Variants in PIK3C2A observed in about 807,000 individuals in gnomAD.
PIK3C2A encodes phosphatidylinositol-4-phosphate 3-kinase catalytic subunit type 2 alpha.
PIK3C2A carries 97 observed loss-of-function variants against 204.5 expected under a neutral mutation model. That is an observed-to-expected ratio of 0.47 (90% CI 0.40 to 0.56). The LOEUF is 0.56. PIK3C2A is among the 20% of genes least tolerant of loss of function. The pLI is 0.00. For synonymous variants in PIK3C2A, 653 were observed against 664.4 expected (o/e 0.98, Z 0.26); for missense variants, 1,735 against 1,969.2 (o/e 0.88, Z 2.25).
chr11:17,183,522 A>G (rs1851639776), intron 1 of PIK3C2A, among the ~76,000 whole-genome samples: 1 of 152,042 alleles, frequency 6.6e-6, no homozygotes, highest in Admixed American at 6.6e-5. Context: ...CTAAAAATAC[A>G]AAAATTAGCC....
intron 1 of PIK3C2A, 130 bp from the exon 2 acceptor site, chr11:17,169,936 A>G: frequency 1.8e-6 from 1 of 543,370 alleles, no homozygotes; most frequent in South Asian, 2.7e-5. Flanking sequence ...AACAAAATAA[A>G]ACAGATAAAA....
intron 23 of PIK3C2A, 133 bp downstream of exon 23, chr11:17,105,036 T>G: frequency 1.5e-6 from 1 of 665,248 alleles, no homozygotes; most frequent in East Asian, 2.8e-5. Flanking sequence ...TTCCTATACT[T>G]AGAAAAAGAT....
intron 1 of PIK3C2A, among the ~76,000 whole-genome samples, chr11:17,178,019 G>A (rs570802265): frequency 6.7e-6 from 1 of 149,844 alleles, no homozygotes; most frequent in East Asian, 2.0e-4. Context: ...CTTGAACCCT[G>A]GAGGTGTATG....
chr11:17,117,707 GGTTTTTT>G (rs1849246299), intron 18 of PIK3C2A, 36 bp from the exon 19 acceptor site: 32 of 532,458 alleles, frequency 6.0e-5, no homozygotes, highest in South Asian at 1.3e-4. Flanking sequence ...GTCACGTCTT[GGTTTTTT>G]TTTTTTTTTT....
At chr11:17,132,086 A>C in intron 11 of PIK3C2A, 48 bp from the exon 12 acceptor site, 1 of 1,125,392 alleles carries the variant, frequency 8.9e-7, no homozygotes, top group Non-Finnish European at 1.3e-6. Flanking sequence ...AATACAAATT[A>C]GTTAACTAAT....
chr11:17,101,758 C>G (rs951396533), intron 24 of PIK3C2A, among the ~76,000 whole-genome samples: 7 of 151,318 alleles, frequency 4.6e-5, no homozygotes, highest in African/African-American at 1.5e-4. Context: ...GGCCCGCCAC[C>G]ACGCCCGGCT....
At chr11:17,109,914 T>A (rs1403716749) in intron 22 of PIK3C2A, among the ~76,000 whole-genome samples, 1 of 152,168 alleles carries the variant, frequency 6.6e-6, no homozygotes, top group Non-Finnish European at 1.5e-5. Flanking sequence ...CTCTGATTAC[T>A]GCAAAGCATT....
intron 13 of PIK3C2A, among the ~76,000 whole-genome samples, chr11:17,123,143 T>C (rs1849415470): frequency 6.6e-6 from 1 of 152,192 alleles, no homozygotes; most frequent in Admixed American, 6.5e-5. Flanking sequence ...CTTTGAAGAT[T>C]TTCTACAAAG....
At chr11:17,187,003 A>G (rs1165472312) in intron 1 of PIK3C2A, among the ~76,000 whole-genome samples, 1 of 152,144 alleles carries the variant, frequency 6.6e-6, no homozygotes, top group Non-Finnish European at 1.5e-5. Context: ...TGCTTGAGCC[A>G]GGTCAAGGCT....
rs1182917938 is a variant in PIK3C2A at position 17,088,302 on chromosome 11, G to GC, written c.*1435dup. 1 of 152,110 alleles carries GC rather than the reference G, an allele frequency of 6.6e-6. No homozygotes were observed. Among genetic ancestry groups the GC allele is most frequent in the Non-Finnish European group, 1.5e-5 (1 of 68,056 alleles). 9.4% of individuals were successfully genotyped at this position (152,110 alleles called of 1,614,324 possible). A position where few individuals can be genotyped will look rare whatever the true frequency, so the allele number is the denominator to read the frequency against. ...TTGCTCTTGTCACCCAGGCGGGAGT[G>GC]CAGTGGCGTGATCTCGGCTCACTGC... On this transcript the variant is annotated 3_prime_UTR_variant, in exon 33 of 33. Transcript: ENST00000691414.
rs143507915 is a variant in PIK3C2A, at chr11:17,187,942, G to A, written c.-65-18136C>T. Among the ~76,000 whole-genome samples, 815 of 152,132 alleles carry A rather than the reference G, an allele frequency of 5.4e-3. 8 individuals are homozygous for A. Among genetic ancestry groups the A allele is most frequent in the African/African-American group, 0.017 (724 of 41,502 alleles). ...AATAACTAAAAATGAGGGACAGCTG[G>A]GAGCCAATGGTAGGAAGCAGATTTA... On this transcript the variant is annotated intron_variant, in intron 1 of 32. Coordinates refer to ENST00000691414, the MANE Select transcript of PIK3C2A (RefSeq NM_002645.4).
intron 4 of PIK3C2A, among the ~76,000 whole-genome samples, chr11:17,150,000 T>C (rs1189072935): frequency 6.6e-6 from 1 of 152,072 alleles, no homozygotes; most frequent in Admixed American, 6.6e-5. Flanking sequence ...TGCAATAAAC[T>C]CTGCAAGGAA....
chr11:17,164,758 T>A (rs1850893068), intron 2 of PIK3C2A, among the ~76,000 whole-genome samples: 1 of 152,174 alleles, frequency 6.6e-6, no homozygotes, highest in African/African-American at 2.4e-5. Context: ...CCTAGTTAAT[T>A]AATTCCTAGA....
chr11:17,125,502 A>G (rs1849492880), intron 13 of PIK3C2A, among the ~76,000 whole-genome samples: 1 of 151,982 alleles, frequency 6.6e-6, no homozygotes, highest in Non-Finnish European at 1.5e-5. Context: ...TTCTGCATCT[A>G]TTATCTAAAG....
intron 1 of PIK3C2A, among the ~76,000 whole-genome samples, chr11:17,200,019 A>G (rs1591029809): frequency 6.6e-6 from 1 of 151,324 alleles, no homozygotes; most frequent in South Asian, 2.1e-4. Flanking sequence ...AAATACAAAA[A>G]ATACAAAAAT....
chr11:17,106,805 C>T (rs537804998), intron 22 of PIK3C2A, among the ~76,000 whole-genome samples: 163 of 152,246 alleles, frequency 1.1e-3, no homozygotes, highest in African/African-American at 3.7e-3. Flanking sequence ...ACATATAAGA[C>T]ACACACTGTC....
intron 1 of PIK3C2A, among the ~76,000 whole-genome samples, chr11:17,185,729 A>G (rs1373071415): frequency 6.6e-6 from 1 of 152,228 alleles, no homozygotes; most frequent in Admixed American, 6.5e-5. Context: ...TATCTTCAAA[A>G]TATTTCTGAA....
rs35488338 is a variant in PIK3C2A at position 17,093,109 on chromosome 11, C to CT, written c.4452-834dup. On this transcript the variant is annotated intron_variant, in intron 28 of 32. Coordinates refer to ENST00000691414, the MANE Select transcript of PIK3C2A (RefSeq NM_002645.4). ...ACACGGAAACAAACTCTAATACCCA[C>CT]TTCACCTCATCCTCACTTTTGAAAT... Among the ~76,000 whole-genome samples, 6 of 152,204 alleles carry CT rather than the reference C, an allele frequency of 3.9e-5. No individual in the cohort carries two copies. In the East Asian group the frequency reaches 1.2e-3, roughly 29 times the overall value.
At chr11:17,187,965 T>C (rs1391323558) in intron 1 of PIK3C2A, among the ~76,000 whole-genome samples, 3 of 152,232 alleles carry the variant, frequency 2.0e-5, no homozygotes, top group Middle Eastern at 3.4e-3. Flanking sequence ...GGAAGCAGAT[T>C]TACTTTTTGC....
Sources: allele counts gnomAD v4.1 joint callset (sites outside exome capture counted in the v4.1 genomes callset), GRCh38; gene constraint gnomAD v4.1.1; transcripts MANE v1.5; gene names NCBI Gene and HGNC (gene_info 2026-07-23, HGNC 2026-07-21).